Variants in ZC3H11A observed in about 807,000 individuals in gnomAD.
ZC3H11A encodes zinc finger CCCH-type containing 11A, also known as zinc finger CCCH domain-containing protein 11A.
A neutral mutation model predicts 90.8 loss-of-function variants in ZC3H11A; 22 were observed. The ratio of observed to expected loss-of-function variants is 0.24; its 90% CI spans 0.17 to 0.35. The LOEUF (loss-of-function observed/expected upper bound fraction) is 0.35, where lower values mean the gene tolerates loss of function less well. ZC3H11A is among the 10% of genes least tolerant of loss of function. The pLI, the probability that ZC3H11A is intolerant of heterozygous loss-of-function variation, is 1.00. For missense variants in ZC3H11A, 701 were observed against 964.9 expected (o/e 0.73, Z 3.62); for synonymous variants, 294 against 339.8 (o/e 0.87, Z 1.48).
chr1:203,825,117 T>C (rs1441638926), intron 4 of ZC3H11A, among the ~76,000 whole-genome samples: 1 of 150,840 alleles, frequency 6.6e-6, no homozygotes. Flanking sequence ...TTAGATAAGC[T>C]TTGTTCAAGT....
intron 12 of ZC3H11A, among the ~76,000 whole-genome samples, chr1:203,841,800 G>A (rs1347630749): frequency 6.0e-5 from 9 of 149,426 alleles, no homozygotes; most frequent in South Asian, 2.1e-4. Context: ...CCTCCCTCCC[G>A]GACGGGGCGG....
intron 7 of ZC3H11A, 67 bp downstream of exon 7, chr1:203,829,963 A>G (rs1195590355): frequency 2.1e-6 from 3 of 1,448,502 alleles, no homozygotes; most frequent in South Asian, 2.3e-5. Flanking sequence ...TTAGTTCACA[A>G]TCATTGACCT....
intron 12 of ZC3H11A, among the ~76,000 whole-genome samples, chr1:203,845,689 AC>A (rs929928041): frequency 4.9e-4 from 74 of 152,094 alleles, no homozygotes; most frequent in African/African-American, 1.8e-3. Context: ...ACATGGCAAA[AC>A]CCTGTCTCTA....
intron 1 of ZC3H11A, chr1:203,798,773 G>A: frequency 2.0e-6 from 3 of 1,536,132 alleles, no homozygotes; most frequent in Non-Finnish European, 2.6e-6. Flanking sequence ...TTATCCAAAT[G>A]ATTGTGGAGG....
rs993226209 is a variant in ZC3H11A at position 203,833,622 on chromosome 1, T to G, written c.812-169T>G. On this transcript the variant is annotated intron_variant, in intron 9 of 17. Transcript: ENST00000367210. ...GTTTATTATTAATAGGTTTGGGTTT[T>G]TTTTTTTTTTTTTTGATATAATGGC... Among the ~76,000 whole-genome samples, 20 of 148,312 alleles carry G rather than the reference T, an allele frequency of 1.3e-4. No homozygotes were observed. The South Asian group carries it at 1.5e-3, about 11-fold the overall frequency.
chr1:203,798,563 G>C (rs1241013155), intron 1 of ZC3H11A: 1 of 1,536,140 alleles, frequency 6.5e-7, no homozygotes, highest in Non-Finnish European at 8.7e-7. Context: ...GTGATACCTT[G>C]CATGGAGAAA....
At chr1:203,798,216 C>T (rs1249917810) in intron 1 of ZC3H11A, 2 of 1,535,974 alleles carry the variant, frequency 1.3e-6, no homozygotes, top group African/African-American at 2.7e-5. Flanking sequence ...GGGCAAGAAG[C>T]ATGATAAATC....
chr1:203,839,174 G>A (rs192132178), intron 11 of ZC3H11A, among the ~76,000 whole-genome samples: 6 of 152,128 alleles, frequency 3.9e-5, no homozygotes, highest in Admixed American at 3.3e-4. Context: ...TTGGAGACGT[G>A]GACTAAATCA....
At chr1:203,819,888 C>T (rs946126154) in intron 4 of ZC3H11A, among the ~76,000 whole-genome samples, 1 of 151,526 alleles carries the variant, frequency 6.6e-6, no homozygotes, top group Admixed American at 6.6e-5. Context: ...ATCGTTTAAT[C>T]CTTTGATCTC....
chr1:203,814,452 A>G (rs1204453745), intron 2 of ZC3H11A, among the ~76,000 whole-genome samples: 1 of 152,118 alleles, frequency 6.6e-6, no homozygotes, highest in Non-Finnish European at 1.5e-5. Flanking sequence ...TGAACCTGGG[A>G]GGCAGAGGTT....
At position 203,830,297 on chromosome 1, in the gene ZC3H11A, A is replaced by G. The variant is rs780669923; in HGVS notation, c.700+94A>G. Reference sequence around the variant, plus strand: ...AGCAACAGCCAAAATGAGCAAATAGATTTTCATTTCCATGGCCTGTTTGAA... The same window carrying G: ...AGCAACAGCCAAAATGAGCAAATAGGTTTTCATTTCCATGGCCTGTTTGAA... On this transcript the variant is annotated intron_variant, in intron 8 of 17. Transcript: ENST00000367210. The G allele has an allele frequency of 5.6e-5, 54 of 958,688 alleles. 1 individual carries two copies. In the Middle Eastern group the frequency reaches 1.3e-3, roughly 24 times the overall value. The allele number at this position is 958,688 out of a possible 1,614,324, so 59.4% of individuals were successfully genotyped here.
Position 203,848,332 on chromosome 1 carries a change from G to T in ZC3H11A, c.1548G>T (p.Gly516=). ...RRLLRITKRT[G]MKEEKNLQEG... ...ATGATGTCTTTAATGTGAATACAGGGATGAAAGAAGAGAAGAACCTTCAGG... is the reference window on the plus strand; with the variant it reads ...ATGATGTCTTTAATGTGAATACAGGTATGAAAGAAGAGAAGAACCTTCAGG... Residue 516 remains glycine, a splice_region_variant and synonymous_variant, in exon 14 of 18, where the codon GGG becomes GGT. Coordinates refer to ENST00000367210, the MANE Select transcript of ZC3H11A (RefSeq NM_001376342.1). The T allele has an allele frequency of 6.2e-7, 1 of 1,612,258 alleles. No individual in the cohort carries two copies. Among genetic ancestry groups the T allele is most frequent in the Non-Finnish European group, 8.5e-7 (1 of 1,179,226 alleles).
chr1:203,845,846 A>G (rs1045155968), intron 12 of ZC3H11A, among the ~76,000 whole-genome samples: 5 of 152,242 alleles, frequency 3.3e-5, no homozygotes, highest in African/African-American at 4.8e-5. Flanking sequence ...AGCCTGGGCA[A>G]CAGAGCAAAA....
chr1:203,851,017 G>C (rs1395695418), intron 16 of ZC3H11A, 40 bp from the exon 17 acceptor site: 1 of 1,606,494 alleles, frequency 6.2e-7, no homozygotes, highest in Non-Finnish European at 8.5e-7. Context: ...AAATTAAAAA[G>C]CCTGACTCTC....
chr1:203,797,065 A>G (rs1430444822), intron 1 of ZC3H11A: 1 of 153,394 alleles, frequency 6.5e-6, no homozygotes, highest in Non-Finnish European at 1.5e-5. Context: ...TTCAGAATTA[A>G]GGGAAATTGA....
intron 4 of ZC3H11A, among the ~76,000 whole-genome samples, chr1:203,826,696 G>C (rs1486936168): frequency 7.2e-5 from 11 of 151,996 alleles, no homozygotes; most frequent in Admixed American, 7.2e-4. Context: ...TTCAATGCTG[G>C]TGTTTTTTCC....
chr1:203,834,348 T>C (rs1164549976), intron 10 of ZC3H11A, among the ~76,000 whole-genome samples: 2 of 152,196 alleles, frequency 1.3e-5, no homozygotes, highest in Non-Finnish European at 2.9e-5. Context: ...CTCAGCTCAC[T>C]GCAACCTCCA....
At chr1:203,812,631 G>A (rs1313344072) in intron 2 of ZC3H11A, among the ~76,000 whole-genome samples, 1 of 136,776 alleles carries the variant, frequency 7.3e-6, no homozygotes, top group Non-Finnish European at 1.5e-5. Context: ...GCCCAGGCTG[G>A]AGTATAGTGG....
intron 4 of ZC3H11A, 141 bp downstream of exon 4, chr1:203,818,830 G>C (rs574278238): frequency 2.3e-6 from 3 of 1,329,736 alleles, no homozygotes. Context: ...AGCACTTTGG[G>C]AGGCTGAGGC....
Sources: allele counts gnomAD v4.1 joint callset (sites outside exome capture counted in the v4.1 genomes callset), GRCh38; gene constraint gnomAD v4.1.1; transcripts MANE v1.5; gene names NCBI Gene and HGNC (gene_info 2026-07-23, HGNC 2026-07-21).